MTUS2: variants seen among roughly 807,000 people sequenced by gnomAD.
MTUS2 encodes microtubule associated scaffold protein 2, also known as microtubule-associated tumor suppressor candidate 2.
Under a neutral mutation model 114.1 loss-of-function variants are expected in MTUS2, and 40 were observed. The ratio of observed to expected loss-of-function variants is 0.35; its 90% CI spans 0.27 to 0.46. MTUS2 has a LOEUF of 0.46. MTUS2 is among the 20% of genes least tolerant of loss of function. The pLI, the probability that MTUS2 is intolerant of heterozygous loss-of-function variation, is 1.00. For missense variants in MTUS2, 1,679 were observed against 1,705.4 expected, an observed-to-expected ratio of 0.98 and a Z score of 0.27; for synonymous variants, 688 against 672.0, an observed-to-expected ratio of 1.02 and a Z score of -0.37.
chr13:28,991,340 G>A (rs533042028), intron 2 of MTUS2, among the ~76,000 whole-genome samples: 1 of 150,962 alleles, frequency 6.6e-6, no homozygotes, highest in African/African-American at 2.4e-5. Flanking sequence ...TAGTGTACCA[G>A]TTATGAAACT....
intron 5 of MTUS2, among the ~76,000 whole-genome samples, chr13:29,111,489 A>G (rs1425341097): frequency 6.6e-6 from 1 of 152,182 alleles, no homozygotes; most frequent in East Asian, 1.9e-4. Flanking sequence ...GGAGGAGGAA[A>G]CATTTTCATA....
chr13:29,026,020 C>G lies in MTUS2; in HGVS notation c.1322C>G (p.Pro441Arg), dbSNP rs1026219776. 2 of 1,613,940 alleles carry G rather than the reference C, an allele frequency of 1.2e-6. No individual in the cohort carries two copies. The highest frequency in any genetic ancestry group is 4.5e-5 in the East Asian group (2 of 44,876). The change falls in exon 3 of 16, where the codon CCT becomes CGT. Residue 441 changes from proline to arginine, a missense_variant. Around this residue, in one of 3 missense-constraint regions of MTUS2, gnomAD observed 843 missense variants for 770.8 expected, o/e 1.09. Coordinates refer to ENST00000612955, the MANE Select transcript of MTUS2 (RefSeq NM_001033602.4). ...GGTGACAGTCATGTGGCTTTTATTC[C>G]TAATAATCTGACTGACAGCAAGCCC... ...SPGDSHVAFI[P>R]NNLTDSKPLD...
intron 7 of MTUS2, among the ~76,000 whole-genome samples, chr13:29,342,643 C>T (rs2138127409): frequency 6.6e-6 from 1 of 152,070 alleles, no homozygotes; most frequent in East Asian, 1.9e-4. Context: ...ATTTGGATGC[C>T]CTTTATTTCT....
intron 2 of MTUS2, among the ~76,000 whole-genome samples, chr13:28,892,992 T>C (rs376846696): frequency 1.8e-4 from 27 of 152,232 alleles, no homozygotes; most frequent in Non-Finnish European, 2.5e-4. Flanking sequence ...TAGGCATTCA[T>C]TGGGGAGAAA....
intron 5 of MTUS2, among the ~76,000 whole-genome samples, chr13:29,199,557 A>G (rs1426568905): frequency 6.6e-6 from 1 of 152,074 alleles, no homozygotes; most frequent in Non-Finnish European, 1.5e-5. Context: ...ATCATGGTGG[A>G]TAAGCTTTTT....
chr13:29,397,197 C>A (rs1873970107), intron 8 of MTUS2, among the ~76,000 whole-genome samples: 2 of 152,190 alleles, frequency 1.3e-5, no homozygotes, highest in South Asian at 4.1e-4. Context: ...TCCACTTGAT[C>A]AGCCACTCCC....
chr13:29,452,585 T>A (rs1878783624), intron 9 of MTUS2, among the ~76,000 whole-genome samples: 4 of 137,548 alleles, frequency 2.9e-5, no homozygotes. Context: ...TGTGTGTGTG[T>A]GTGTGTGTGT....
intron 4 of MTUS2, among the ~76,000 whole-genome samples, chr13:29,042,419 G>C (rs1317163965): frequency 6.6e-6 from 1 of 152,014 alleles, no homozygotes; most frequent in African/African-American, 2.4e-5. Context: ...AGATTGGTCT[G>C]TAATGTTTCT....
intron 7 of MTUS2, among the ~76,000 whole-genome samples, chr13:29,350,018 C>T (rs781002434): frequency 1.8e-4 from 27 of 152,068 alleles, no homozygotes; most frequent in Admixed American, 6.6e-5. Flanking sequence ...CAAGTTGCCC[C>T]AGAGCTCCTG....
At chr13:29,067,168 G>A (rs533325633) in intron 4 of MTUS2, among the ~76,000 whole-genome samples, 67 of 152,268 alleles carry the variant, frequency 4.4e-4, no homozygotes, top group South Asian at 2.3e-3. Context: ...AGAAGTCTGA[G>A]CCAAAGATAC....
At chr13:29,248,488 T>C (rs1897005042) in intron 5 of MTUS2, among the ~76,000 whole-genome samples, 1 of 152,220 alleles carries the variant, frequency 6.6e-6, no homozygotes, top group South Asian at 2.1e-4. Context: ...TTATTTTACT[T>C]TAAGTTCCAG....
chr13:29,361,138 C>T (rs1476746290), intron 8 of MTUS2, among the ~76,000 whole-genome samples: 1 of 152,190 alleles, frequency 6.6e-6, no homozygotes, highest in Non-Finnish European at 1.5e-5. Context: ...TGTTGGCCTG[C>T]AGACCAGGAG....
At chr13:29,156,973 C>A (rs955061172) in intron 5 of MTUS2, among the ~76,000 whole-genome samples, 1 of 152,092 alleles carries the variant, frequency 6.6e-6, no homozygotes, top group African/African-American at 2.4e-5. Flanking sequence ...TCTTTAGAGT[C>A]TTTAAATATT....
intron 5 of MTUS2, among the ~76,000 whole-genome samples, chr13:29,216,938 C>A (rs556048673): frequency 6.6e-6 from 1 of 152,116 alleles, no homozygotes. Context: ...TTGATAGTGC[C>A]CATCCTAGTG....
intron 5 of MTUS2, among the ~76,000 whole-genome samples, chr13:29,209,359 G>C (rs1211549257): frequency 6.6e-6 from 1 of 152,080 alleles, no homozygotes; most frequent in Non-Finnish European, 1.5e-5. Flanking sequence ...ATACTCGGTT[G>C]GCGAATTCTT....
chr13:29,121,903 G>T (rs1159282724), intron 5 of MTUS2, among the ~76,000 whole-genome samples: 1 of 151,862 alleles, frequency 6.6e-6, no homozygotes, highest in East Asian at 1.9e-4. Context: ...GAGGTGATCC[G>T]CCCTCCTCGG....
Position 29,157,605 on chromosome 13 carries a change from G to A in MTUS2, c.2644+56635G>A, listed in dbSNP as rs138900320. On this transcript the variant is annotated intron_variant, in intron 5 of 15. Coordinates refer to ENST00000612955, the MANE Select transcript of MTUS2 (RefSeq NM_001033602.4). The stretch of plus-strand genomic sequence containing the variant: ...CCCAGCACTGCCTTTCCTAGCCGTG[G>A]CTGCTATGGGCTTCCAACATCTCTT... Among the ~76,000 whole-genome samples, 136 of 152,260 alleles carry A rather than the reference G, an allele frequency of 8.9e-4. 1 individual carries two copies. Among genetic ancestry groups the A allele is most frequent in the South Asian group, 3.7e-3 (18 of 4,828 alleles).
At chr13:28,907,007 G>A (rs9550415) in intron 2 of MTUS2, among the ~76,000 whole-genome samples, 34,253 of 151,228 alleles carry the variant, frequency 0.23, 4,723 homozygotes, top group East Asian at 0.43. Flanking sequence ...AGAGAGAAAG[G>A]TCGGGTTACC....
chr13:29,363,282 A>G (rs1232592048), intron 8 of MTUS2, among the ~76,000 whole-genome samples: 3 of 152,154 alleles, frequency 2.0e-5, no homozygotes, highest in African/African-American at 7.2e-5. Flanking sequence ...ATGGATTTTC[A>G]TGTTACTTTT....
Sources: gnomAD v4.1 joint callset for allele counts (sites outside exome capture counted in the v4.1 genomes callset) on GRCh38, gnomAD v4.1.1 for gene constraint, gnomAD v4.1.1 regional missense constraint, MANE v1.5 for transcripts, NCBI Gene and HGNC (gene_info 2026-07-23, HGNC 2026-07-21) for gene names.